The following DPYD variants were observed in gnomAD, a reference collection of about 807,000 sequenced individuals.
DPYD encodes dihydropyrimidine dehydrogenase, also known as dihydropyrimidine dehydrogenase [NADP(+)].
A neutral mutation model predicts 116.2 loss-of-function variants in DPYD; 109 were observed. The ratio of observed to expected loss-of-function variants is 0.94; its 90% confidence interval spans 0.80 to 1.10. The LOEUF is 1.10. DPYD is among the 50% of genes least tolerant of loss of function. The pLI, the probability that DPYD is intolerant of heterozygous loss-of-function variation, is 0.00. For synonymous variants in DPYD, 440 were observed against 432.0 expected (o/e 1.02, Z -0.23); for missense variants, 1,302 against 1,254.5 (o/e 1.04, Z -0.57).
chr1:97,721,657 A>C lies in DPYD; in HGVS notation c.336T>G (p.Ala112=). Residue 112 remains alanine (A), a synonymous_variant, in exon 5 of 23, where the codon GCT becomes GCG. Coordinates refer to ENST00000370192, the MANE Select transcript of DPYD (RefSeq NM_000110.4). ...TSIANKNYYG[A]AKMIFSDNPL... ...GGTTGTCAGAAAATATCATCTTAGC[A>C]GCTCCATAATAGTTCTGCAAAATTA... 1 of 1,611,248 alleles carries C rather than the reference A, an allele frequency of 6.2e-7. No individual in the cohort carries two copies. The highest frequency in any genetic ancestry group is 8.5e-7 in the Non-Finnish European group (1 of 1,178,032).
At chr1:97,516,589 C>T (rs980503159) in intron 12 of DPYD, among the ~76,000 whole-genome samples, 9 of 151,930 alleles carry the variant, frequency 5.9e-5, no homozygotes, top group African/African-American at 2.2e-4. Flanking sequence ...AAATAGTTTA[C>T]GTCAAAATCT....
At chr1:97,414,003 T>C (rs923167176) in intron 14 of DPYD, among the ~76,000 whole-genome samples, 1 of 152,146 alleles carries the variant, frequency 6.6e-6, no homozygotes, top group Non-Finnish European at 1.5e-5. Flanking sequence ...TTATAATATA[T>C]ACAAGTACAT....
intron 8 of DPYD, among the ~76,000 whole-genome samples, chr1:97,612,917 T>C (rs74653112): frequency 0.013 from 1,990 of 152,160 alleles, 23 homozygotes; most frequent in Middle Eastern, 0.024. Flanking sequence ...GGATGTTTTT[T>C]CATTAAGAGT....
intron 3 of DPYD, among the ~76,000 whole-genome samples, chr1:97,756,479 T>C (rs1353598420): frequency 1.3e-5 from 2 of 152,180 alleles, no homozygotes; most frequent in African/African-American, 2.4e-5. Context: ...GCCTTCCATA[T>C]GATGAGACAA....
chr1:97,266,864 CT>C (rs1240997242), intron 18 of DPYD, among the ~76,000 whole-genome samples: 2 of 152,032 alleles, frequency 1.3e-5, no homozygotes, highest in East Asian at 3.9e-4. Flanking sequence ...TGAACTCATC[CT>C]TTTTTATAGC....
intron 12 of DPYD, chr1:97,546,595 T>C (rs144407312): frequency 0.026 from 41,356 of 1,609,492 alleles, 685 homozygotes; most frequent in Non-Finnish European, 0.03. Context: ...ACATCCTGTG[T>C]ATAGCCTTTA....
rs1674314891 is a variant in DPYD at position 97,416,828 on chromosome 1, C to G, written c.1905+33231G>C. Among the ~76,000 whole-genome samples, 2 of 152,128 alleles carry G rather than the reference C, an allele frequency of 1.3e-5. 1 individual carries two copies. The highest frequency in any genetic ancestry group is 4.1e-4 in the South Asian group (2 of 4,828). On this transcript the variant is annotated intron_variant, in intron 14 of 22. Transcript: ENST00000370192. ...CTTAACCCAGAGGTGCTCATCGAAC[C>G]CCCTTTTAGGTAGACCTTCGCTTCA...
At chr1:97,755,368 G>A (rs148934931) in intron 3 of DPYD, among the ~76,000 whole-genome samples, 68 of 152,174 alleles carry the variant, frequency 4.5e-4, no homozygotes, top group African/African-American at 1.0e-3. Flanking sequence ...TCCATGCCTG[G>A]GCAACTCTCC....
At chr1:97,755,379 T>C (rs1450403713) in intron 3 of DPYD, among the ~76,000 whole-genome samples, 1 of 152,154 alleles carries the variant, frequency 6.6e-6, no homozygotes, top group East Asian at 1.9e-4. Context: ...GCAACTCTCC[T>C]AAACCTTGGA....
chr1:97,738,803 T>C (rs1664102211), intron 4 of DPYD, among the ~76,000 whole-genome samples: 1 of 152,024 alleles, frequency 6.6e-6, no homozygotes, highest in African/African-American at 2.4e-5. Context: ...CAACGTTCCA[T>C]TAGGTAAAGA....
At chr1:97,231,024 T>C (rs1661558211) in intron 19 of DPYD, among the ~76,000 whole-genome samples, 1 of 152,202 alleles carries the variant, frequency 6.6e-6, no homozygotes, top group African/African-American at 2.4e-5. Context: ...TCACCATTCA[T>C]TTCTATGAGG....
chr1:97,280,077 A>G (rs1665211884), intron 18 of DPYD: 2 of 152,160 alleles, frequency 1.3e-5, no homozygotes, highest in Non-Finnish European at 2.9e-5. Context: ...CTTACCACTC[A>G]ATCTCCTCTG....
intron 3 of DPYD, among the ~76,000 whole-genome samples, chr1:97,807,869 CAGT>C (rs1668149487): frequency 6.6e-6 from 1 of 151,866 alleles, no homozygotes; most frequent in African/African-American, 2.4e-5. Flanking sequence ...TGTGTATGTC[CAGT>C]GGTTCCAGTA....
At chr1:97,101,363 A>G (rs950945168) in intron 20 of DPYD, among the ~76,000 whole-genome samples, 1 of 151,884 alleles carries the variant, frequency 6.6e-6, no homozygotes, top group Non-Finnish European at 1.5e-5. Context: ...TTTTAAAAGT[A>G]AAGTTTTCCG....
intron 2 of DPYD, among the ~76,000 whole-genome samples, chr1:97,860,510 A>T (rs1671063347): frequency 6.6e-6 from 1 of 152,204 alleles, no homozygotes; most frequent in African/African-American, 2.4e-5. Context: ...ACCAACACAT[A>T]GCAGAGAATT....
In DPYD at chr1:97,172,872, G is replaced by C. The variant is rs560252664; in HGVS notation, c.2622+20197C>G. Among the ~76,000 whole-genome samples the C allele has an allele frequency of 2.0e-4, 31 of 152,204 alleles. No individual in the cohort carries two copies. The South Asian group carries it at 5.6e-3, about 28-fold the overall frequency. ...TTGCCTATAGAATGGAATTAATGAG[G>C]ACATTTACATAAACCTTACAGTGTT... On this transcript the variant is annotated intron_variant, in intron 20 of 22. Transcript: ENST00000370192.
At chr1:97,336,137 C>A (rs1294726422) in intron 16 of DPYD, among the ~76,000 whole-genome samples, 1 of 152,116 alleles carries the variant, frequency 6.6e-6, no homozygotes, top group African/African-American at 2.4e-5. Flanking sequence ...CAGAATGACT[C>A]AATAATAGTG....
At chr1:97,376,592 GTTAATTCCA>G (rs1671629178) in intron 15 of DPYD, among the ~76,000 whole-genome samples, 1 of 152,086 alleles carries the variant, frequency 6.6e-6, no homozygotes, top group African/African-American at 2.4e-5. Flanking sequence ...TTAAAAGGCA[GTTAATTCCA>G]TTTCCAAGCA....
intron 16 of DPYD, among the ~76,000 whole-genome samples, chr1:97,326,259 G>A (rs545351466): frequency 6.6e-6 from 1 of 152,070 alleles, no homozygotes; most frequent in South Asian, 2.1e-4. Context: ...CACAAGAGAA[G>A]CAGGTTTTGG....
Sources: allele counts gnomAD v4.1 joint callset (sites outside exome capture counted in the v4.1 genomes callset), GRCh38; gene constraint gnomAD v4.1.1; transcripts MANE v1.5; gene names NCBI Gene and HGNC (gene_info 2026-07-23, HGNC 2026-07-21).